RAP1B: variants seen among roughly 807,000 people sequenced by gnomAD.
RAP1B encodes the protein RAP1B, member of RAS oncogene family.
A neutral mutation model predicts 27.5 loss-of-function variants in RAP1B; 1 was observed. The observed-to-expected ratio is 0.04, with a 90% confidence interval of 0.01 to 0.17. The LOEUF (loss-of-function observed/expected upper bound fraction) is 0.17, where lower values mean the gene tolerates loss of function less well. Ranked by LOEUF, RAP1B falls within the 10% of genes least tolerant of loss-of-function variation. RAP1B has a pLI of 1.00. For synonymous variants in RAP1B, 75 were observed against 73.1 expected, an observed-to-expected ratio of 1.03 and a Z score of -0.13; for missense variants, 84 against 214.8, an observed-to-expected ratio of 0.39 and a Z score of 3.81.
intron 1 of RAP1B, among the ~76,000 whole-genome samples, chr12:68,612,829 T>C (rs1252509319): frequency 2.6e-5 from 4 of 151,708 alleles, no homozygotes; most frequent in Non-Finnish European, 4.4e-5. Context: ...TCCTTTAGTC[T>C]TATTTGAGCT....
At position 68,666,058 on chromosome 12, in the gene RAP1B, G is replaced by C. The variant is rs1874834927; in HGVS notation, c.*6809G>C. 1 of 152,250 alleles carries C rather than the reference G, an allele frequency of 6.6e-6. No homozygotes were observed. The highest frequency in any genetic ancestry group is 1.5e-5 in the Non-Finnish European group (1 of 68,034). 9.4% of individuals were successfully genotyped at this position (152,250 alleles called of 1,614,324 possible). A position where few individuals can be genotyped will look rare whatever the true frequency, so the allele number is the denominator to read the frequency against. ...AGTAGAGACGGGGTTTCGCCATCTT[G>C]GCCAGGCTGGTCTTGAACTCCTGAC... On this transcript the variant is annotated 3_prime_UTR_variant, in exon 8 of 8. Coordinates refer to ENST00000250559, the MANE Select transcript of RAP1B (RefSeq NM_001010942.3).
intron 1 of RAP1B, among the ~76,000 whole-genome samples, chr12:68,611,995 CCT>C (rs1302901070): frequency 2.6e-5 from 4 of 152,162 alleles, no homozygotes; most frequent in African/African-American, 9.7e-5. Flanking sequence ...CGCTTTCCCC[CCT>C]CTCCCACTCT....
chr12:68,632,520 G>C (rs1872340770), intron 1 of RAP1B, among the ~76,000 whole-genome samples: 1 of 152,100 alleles, frequency 6.6e-6, no homozygotes, highest in Non-Finnish European at 1.5e-5. Flanking sequence ...ATGTAGAAAT[G>C]TAAAGATCAG....
chr12:68,620,475 G>A (rs1428916390), intron 1 of RAP1B, among the ~76,000 whole-genome samples: 3 of 151,882 alleles, frequency 2.0e-5, no homozygotes, highest in South Asian at 4.1e-4. Context: ...CGCCCACCTC[G>A]GCCTCCCAAA....
intron 1 of RAP1B, chr12:68,626,903 G>A (rs1871827818): frequency 6.4e-7 from 1 of 1,570,726 alleles, no homozygotes; most frequent in South Asian, 1.1e-5. Context: ...TGTCCACAGG[G>A]CCACGATTGG....
intron 5 of RAP1B, among the ~76,000 whole-genome samples, chr12:68,655,270 G>T (rs1444612899): frequency 1.3e-5 from 2 of 152,160 alleles, no homozygotes; most frequent in Non-Finnish European, 2.9e-5. Context: ...AGTGAGCTGA[G>T]ATCACATCAC....
In RAP1B at chr12:68,617,719, A is replaced by G. The variant is rs113380893; in HGVS notation, c.-27+6676A>G. 6.7e-3 allele frequency among the ~76,000 whole-genome samples: 1,016 copies of G among 152,292 alleles called. 10 individuals carry two copies. The highest frequency in any genetic ancestry group is 0.023 in the African/African-American group (960 of 41,552). ...TGTTGTTAGAGTTGTTGAGGATCAA[A>G]TGCAGTATTACTCATGAATGTTTCA... On this transcript the variant is annotated intron_variant, in intron 1 of 7. Transcript: ENST00000250559.
chr12:68,637,538 A>G (rs1041349797), intron 1 of RAP1B, among the ~76,000 whole-genome samples: 3 of 133,520 alleles, frequency 2.2e-5, no homozygotes, highest in Non-Finnish European at 3.1e-5. Context: ...CTGAGGTTGC[A>G]GTGAGCTGAG....
chr12:68,628,043 T>C (rs773456927), intron 1 of RAP1B, among the ~76,000 whole-genome samples: 2 of 152,004 alleles, frequency 1.3e-5, no homozygotes, highest in Non-Finnish European at 2.9e-5. Flanking sequence ...GAGTTGAGGC[T>C]GTAGTGAGCT....
At position 68,661,462 on chromosome 12, in the gene RAP1B, C is replaced by T. The variant is rs147243238; in HGVS notation, c.*2213C>T. On this transcript the variant is annotated 3_prime_UTR_variant, in exon 8 of 8. Coordinates refer to ENST00000250559, the MANE Select transcript of RAP1B (RefSeq NM_001010942.3). ...CTTAAGTATAAAAATTGTTCTAGGC[C>T]TAAGGATGTAGCAGCAACCAAGATC... is the stretch of plus-strand genomic sequence containing the variant. The T allele has an allele frequency of 6.6e-6, 1 of 152,178 alleles. No homozygotes were observed. The highest frequency in any genetic ancestry group is 1.5e-5 in the Non-Finnish European group (1 of 68,028). 9.4% of individuals were successfully genotyped at this position (152,178 alleles called of 1,614,324 possible).
Position 68,620,407 on chromosome 12 carries a change from G to C in RAP1B, c.-27+9364G>C, listed in dbSNP as rs560057779. ...CTGGCTAATTTTTGTAGTTTTAGTAGAGACAGGGTTTCACCATATTGGCCA... is the reference window on the plus strand; with the variant it reads ...CTGGCTAATTTTTGTAGTTTTAGTACAGACAGGGTTTCACCATATTGGCCA... On this transcript the variant is annotated intron_variant, in intron 1 of 7. Transcript: ENST00000250559. 2.6e-5 allele frequency among the ~76,000 whole-genome samples: 4 copies of C among 151,762 alleles called. No homozygotes were observed. The South Asian group carries it at 6.2e-4, about 24-fold the overall frequency.
At position 68,671,494 on chromosome 12, in the gene RAP1B, G is replaced by C. The variant is rs577129312; in HGVS notation, c.*12245G>C. On this transcript the variant is annotated 3_prime_UTR_variant, in exon 8 of 8. Coordinates refer to ENST00000250559, the MANE Select transcript of RAP1B (RefSeq NM_001010942.3). ...TATGCATTCATTTAAAAATGAGTTT[G>C]ATGTTTAAAGGTTGACTTAGAAGGA... 1 of 152,312 alleles carries C rather than the reference G, an allele frequency of 6.6e-6. No homozygotes were observed. Among genetic ancestry groups the C allele is most frequent in the South Asian group, 2.1e-4 (1 of 4,816 alleles). 9.4% of individuals were successfully genotyped at this position (152,312 alleles called of 1,614,324 possible). A position where few individuals can be genotyped will look rare whatever the true frequency, so the allele number is the denominator to read the frequency against.
At chr12:68,640,286 C>T (rs1045244866) in intron 1 of RAP1B, among the ~76,000 whole-genome samples, 1 of 152,060 alleles carries the variant, frequency 6.6e-6, no homozygotes, top group African/African-American at 2.4e-5. Context: ...TCATAACCAC[C>T]CCATATAAAA....
At chr12:68,632,165 A>T in intron 1 of RAP1B, among the ~76,000 whole-genome samples, 2 of 119,264 alleles carry the variant, frequency 1.7e-5, no homozygotes, top group African/African-American at 3.6e-5. Context: ...TTTTTTCCAG[A>T]CTGTTTGGCT....
intron 1 of RAP1B, among the ~76,000 whole-genome samples, chr12:68,633,009 T>C (rs150717273): frequency 4.0e-4 from 61 of 152,340 alleles, no homozygotes; most frequent in African/African-American, 1.4e-3. Flanking sequence ...TATTGTACAA[T>C]ACAAGCTATT....
chr12:68,628,829 C>T (rs1317830254), intron 1 of RAP1B, among the ~76,000 whole-genome samples: 1 of 152,144 alleles, frequency 6.6e-6, no homozygotes, highest in African/African-American at 2.4e-5. Context: ...CCTTGATAGT[C>T]ATCTGTGGCT....
chr12:68,648,583 G>A, intron 1 of RAP1B, 116 bp from the exon 2 acceptor site: 4 of 822,452 alleles, frequency 4.9e-6, no homozygotes, highest in Non-Finnish European at 7.6e-6. Context: ...CTCCATACTA[G>A]GGTTGTATAG....
chr12:68,646,294 T>C lies in RAP1B; in HGVS notation c.-26-2405T>C, dbSNP rs1873402570. ...TATGCAGCCATCACTACAACCAGTTTTTGGTGTGTTTTTTTTTTTGAGATG... is the reference window on the plus strand; with the variant it reads ...TATGCAGCCATCACTACAACCAGTTCTTGGTGTGTTTTTTTTTTTGAGATG... On this transcript the variant is annotated intron_variant, in intron 1 of 7. Transcript: ENST00000250559. Among the ~76,000 whole-genome samples, 3 of 152,172 alleles carry C rather than the reference T, an allele frequency of 2.0e-5. No individual in the cohort carries two copies. The South Asian group carries it at 6.2e-4, about 32-fold the overall frequency.
At position 68,670,919 on chromosome 12, in the gene RAP1B, T is replaced by C. The variant is rs947303911; in HGVS notation, c.*11670T>C. On this transcript the variant is annotated 3_prime_UTR_variant, in exon 8 of 8. Transcript: ENST00000250559. ...GGTGCATGCCTGTAATCCTAGCTAC[T>C]CAGGAGGCTGAGGCAGGAGAATTGC... is the stretch of plus-strand genomic sequence containing the variant. 6.7e-6 allele frequency: 1 copy of C among 150,248 alleles called. No homozygotes were observed. The highest frequency in any genetic ancestry group is 1.5e-5 in the Non-Finnish European group (1 of 67,916). 9.3% of individuals were successfully genotyped at this position (150,248 alleles called of 1,614,324 possible).
Sources: gnomAD v4.1 joint callset for allele counts (sites outside exome capture counted in the v4.1 genomes callset) on GRCh38, gnomAD v4.1.1 for gene constraint, MANE v1.5 for transcripts, NCBI Gene and HGNC (gene_info 2026-07-23, HGNC 2026-07-21) for gene names.